THSD4: variants seen among roughly 807,000 people sequenced by gnomAD.
The protein encoded by THSD4 is thrombospondin type-1 domain-containing protein 4.
Under a neutral mutation model 119.0 loss-of-function variants are expected in THSD4, and 69 were observed. The ratio of observed to expected loss-of-function variants is 0.58; its 90% CI spans 0.48 to 0.71. THSD4 has a LOEUF of 0.71. Among genes scored for constraint, THSD4 ranks in the 30% least tolerant of loss-of-function variants. The pLI is 0.00. For missense variants in THSD4, 1,393 were observed against 1,391.1 expected (o/e 1.00, Z -0.02); for synonymous variants, 524 against 540.4 (o/e 0.97, Z 0.42).
chr15:71,622,986 G>A (rs2050445298), intron 7 of THSD4, among the ~76,000 whole-genome samples: 2 of 152,120 alleles, frequency 1.3e-5, no homozygotes, highest in Non-Finnish European at 2.9e-5. Context: ...AGGAAGAGGA[G>A]TCTTTTCTGT....
At chr15:71,550,486 G>C (rs1292299207) in intron 7 of THSD4, among the ~76,000 whole-genome samples, 8 of 152,150 alleles carry the variant, frequency 5.3e-5, no homozygotes, top group Non-Finnish European at 1.2e-4. Context: ...GCCCAGACTG[G>C]AGTGCAGTGG....
chr15:71,241,328 C>T (rs79327472), intron 4 of THSD4, among the ~76,000 whole-genome samples: 217 of 152,342 alleles, frequency 1.4e-3, no homozygotes, highest in Middle Eastern at 6.8e-3. Context: ...TTGGAACCTG[C>T]GCTCCTCAAC....
chr15:71,220,142 G>A (rs1179236040), intron 4 of THSD4, among the ~76,000 whole-genome samples: 1 of 152,124 alleles, frequency 6.6e-6, no homozygotes, highest in Non-Finnish European at 1.5e-5. Flanking sequence ...TTACACTTTG[G>A]TGGTGGAGAA....
rs573878022 is a variant in THSD4 at position 71,410,266 on chromosome 15, A to G, written c.1016-1421A>G. Among the ~76,000 whole-genome samples the G allele has an allele frequency of 7.9e-5, 12 of 152,326 alleles. No individual in the cohort carries two copies. The East Asian group carries it at 2.1e-3, about 27-fold the overall frequency. ...CTGGGTTCCTGGGATACAAAAGTGA[A>G]TAAGACAGAGACATCCTGTATTCTC... On this transcript the variant is annotated intron_variant, in intron 6 of 17. Coordinates refer to ENST00000261862, the MANE Select transcript of THSD4 (RefSeq NM_024817.3).
At chr15:71,774,352 A>G (rs575252335) in intron 17 of THSD4, among the ~76,000 whole-genome samples, 2 of 151,742 alleles carry the variant, frequency 1.3e-5, no homozygotes, top group Non-Finnish European at 2.9e-5. Flanking sequence ...AGAAATGCTC[A>G]AGCTACTAGT....
intron 6 of THSD4, among the ~76,000 whole-genome samples, chr15:71,343,986 G>T (rs1371055086): frequency 1.3e-5 from 2 of 151,382 alleles, no homozygotes; most frequent in Admixed American, 1.3e-4. Context: ...AGTGATGGGG[G>T]TGGGGTGGGG....
At chr15:71,626,441 C>G (rs1427243669) in intron 7 of THSD4, among the ~76,000 whole-genome samples, 1 of 152,148 alleles carries the variant, frequency 6.6e-6, no homozygotes, top group Non-Finnish European at 1.5e-5. Flanking sequence ...GTGGTGGTTT[C>G]TGTGGAGGTA....
chr15:71,246,244 G>A (rs1456595799), intron 5 of THSD4, among the ~76,000 whole-genome samples: 2 of 152,136 alleles, frequency 1.3e-5, no homozygotes, highest in Non-Finnish European at 2.9e-5. Flanking sequence ...CACATGGAAG[G>A]CATGGTGCTG....
chr15:71,169,377 A>G (rs556577828), intron 3 of THSD4, among the ~76,000 whole-genome samples: 1 of 152,234 alleles, frequency 6.6e-6, no homozygotes, highest in South Asian at 2.1e-4. Context: ...TGTATCTTAA[A>G]GCTAAACATT....
intron 6 of THSD4, among the ~76,000 whole-genome samples, chr15:71,397,549 A>G (rs1478086718): frequency 6.6e-6 from 1 of 152,244 alleles, no homozygotes; most frequent in Non-Finnish European, 1.5e-5. Context: ...ATAGGTGCTC[A>G]ATAAACATCT....
chr15:71,398,987 G>A (rs1473161579), intron 6 of THSD4, among the ~76,000 whole-genome samples: 5 of 152,050 alleles, frequency 3.3e-5, no homozygotes, highest in Non-Finnish European at 7.4e-5. Context: ...GATGGGAGTA[G>A]GTAGGTGATC....
chr15:71,561,943 T>TCTC (rs2049129262), intron 7 of THSD4, among the ~76,000 whole-genome samples: 4 of 148,570 alleles, frequency 2.7e-5, no homozygotes, highest in African/African-American at 7.6e-5. Flanking sequence ...CTCTCTCTCT[T>TCTC]CTCTAGAGCC....
chr15:71,564,976 A>T (rs573042424), intron 7 of THSD4, among the ~76,000 whole-genome samples: 1 of 152,246 alleles, frequency 6.6e-6, no homozygotes, highest in Non-Finnish European at 1.5e-5. Context: ...ATAGTATCAC[A>T]TCAATTAAGT....
chr15:71,298,389 T>C (rs2044895102), intron 6 of THSD4, among the ~76,000 whole-genome samples: 1 of 152,208 alleles, frequency 6.6e-6, no homozygotes, highest in Non-Finnish European at 1.5e-5. Context: ...AACTTTGTTC[T>C]TCTTTTTAAA....
intron 7 of THSD4, among the ~76,000 whole-genome samples, chr15:71,498,209 A>G (rs960383735): frequency 9.2e-5 from 14 of 152,356 alleles, no homozygotes; most frequent in African/African-American, 3.4e-4. Flanking sequence ...ATCCATGGGA[A>G]TAATCCATAT....
In THSD4 at chr15:71,757,985, C is replaced by A. The variant is rs948851245; in HGVS notation, c.2499C>A (p.Gly833=). 6.2e-7 allele frequency: 1 copy of A among 1,614,130 alleles called. No homozygotes were observed. Among genetic ancestry groups the A allele is most frequent in the Non-Finnish European group, 8.5e-7 (1 of 1,180,028 alleles). The change falls in exon 15 of 18, where the codon GGC becomes GGA. Residue 833 remains glycine (G), a synonymous_variant. Coordinates refer to ENST00000261862, the MANE Select transcript of THSD4 (RefSeq NM_024817.3). ...ATGTCAGCAGCCTGCCCCTGGAGGG[C>A]TGTGGGAACAACCGGCCGGCAGAGG... ...TNHVSSLPLE[G]CGNNRPAEAT...
At chr15:71,429,005 A>G (rs1018637546) in intron 7 of THSD4, among the ~76,000 whole-genome samples, 2 of 152,174 alleles carry the variant, frequency 1.3e-5, no homozygotes, top group African/African-American at 2.4e-5. Flanking sequence ...AACAACCATC[A>G]TTTATCTAAC....
intron 7 of THSD4, among the ~76,000 whole-genome samples, chr15:71,440,942 C>A (rs1271678268): frequency 2.0e-5 from 3 of 152,128 alleles, no homozygotes; most frequent in African/African-American, 7.2e-5. Context: ...AGTTCTGAAT[C>A]TGTTTTTTTG....
intron 7 of THSD4, among the ~76,000 whole-genome samples, chr15:71,531,454 T>G (rs539471335): frequency 6.6e-6 from 1 of 152,100 alleles, no homozygotes; most frequent in Non-Finnish European, 1.5e-5. Flanking sequence ...TGGATAGAAG[T>G]GGGTGAATTC....
Sources: allele counts gnomAD v4.1 joint callset (sites outside exome capture counted in the v4.1 genomes callset), GRCh38; gene constraint gnomAD v4.1.1; transcripts MANE v1.5; gene names NCBI Gene and HGNC (gene_info 2026-07-23, HGNC 2026-07-21).